Variants in FHIT observed in about 807,000 individuals in gnomAD.
FHIT encodes the protein bis(5'-adenosyl)-triphosphatase.
In FHIT, 19 loss-of-function variants were observed where a neutral mutation model predicts 17.9. That is an observed-to-expected ratio of 1.06 (90% CI 0.74 to 1.56). FHIT has a LOEUF of 1.56. Ranked by LOEUF, FHIT falls within the 40% of genes most tolerant of loss-of-function variation. The pLI is 0.00. For missense variants in FHIT, 248 were observed against 189.2 expected, an observed-to-expected ratio of 1.31 and a Z score of -1.82; for synonymous variants, 81 against 69.7, an observed-to-expected ratio of 1.16 and a Z score of -0.81.
chr3:60,297,421 T>C (rs1019665142), intron 5 of FHIT, among the ~76,000 whole-genome samples: 1 of 152,110 alleles, frequency 6.6e-6, no homozygotes, highest in Non-Finnish European at 1.5e-5. Flanking sequence ...TTTTATTTGG[T>C]ATCTATCTGT....
intron 5 of FHIT, among the ~76,000 whole-genome samples, chr3:60,524,197 GACACACACACACACACACAC>G (rs56975783): frequency 5.4e-4 from 79 of 144,994 alleles, no homozygotes; most frequent in African/African-American, 1.3e-3. Flanking sequence ...GTCAGCCTGA[GACACACACACACACACACAC>G]ACACACACAC....
intron 4 of FHIT, among the ~76,000 whole-genome samples, chr3:60,623,487 CA>C (rs2039192138): frequency 6.6e-6 from 1 of 152,132 alleles, no homozygotes; most frequent in Admixed American, 6.6e-5. Flanking sequence ...AAAACATGTT[CA>C]TTTTTTTCTT....
At chr3:60,859,426 G>A (rs530066666) in intron 3 of FHIT, among the ~76,000 whole-genome samples, 17 of 152,138 alleles carry the variant, frequency 1.1e-4, no homozygotes, top group Middle Eastern at 3.4e-3. Context: ...CAGGTAGACC[G>A]CATTTCCACC....
chr3:59,913,491 G>C (rs1257055033), intron 8 of FHIT, among the ~76,000 whole-genome samples: 2 of 152,056 alleles, frequency 1.3e-5, no homozygotes, highest in African/African-American at 2.4e-5. Context: ...TCAATTCAAT[G>C]GTATGAATGA....
chr3:60,201,400 T>G (rs1045233961), intron 5 of FHIT, among the ~76,000 whole-genome samples: 10 of 152,088 alleles, frequency 6.6e-5, no homozygotes, highest in African/African-American at 2.4e-4. Flanking sequence ...AGGCTGGCCT[T>G]GAACTCCTAG....
chr3:60,434,406 C>T (rs1283322855), intron 5 of FHIT, among the ~76,000 whole-genome samples: 1 of 152,096 alleles, frequency 6.6e-6, no homozygotes, highest in African/African-American at 2.4e-5. Flanking sequence ...GACACATTTT[C>T]TTCCCTGCTT....
chr3:60,721,777 C>G (rs1268312300), intron 4 of FHIT, among the ~76,000 whole-genome samples: 1 of 152,054 alleles, frequency 6.6e-6, no homozygotes, highest in Non-Finnish European at 1.5e-5. Flanking sequence ...TTTTCAAGAT[C>G]CACAAATGAA....
At chr3:60,434,272 T>G (rs1460411089) in intron 5 of FHIT, among the ~76,000 whole-genome samples, 3 of 152,254 alleles carry the variant, frequency 2.0e-5, no homozygotes, top group East Asian at 1.9e-4. Flanking sequence ...AAATATTTTC[T>G]CTTCCAAATC....
intron 5 of FHIT, among the ~76,000 whole-genome samples, chr3:60,496,965 C>CA (rs1285212232): frequency 1.4e-5 from 2 of 147,136 alleles, no homozygotes; most frequent in Non-Finnish European, 3.0e-5. Flanking sequence ...CAAATAAAAA[C>CA]AAAAAACAAA....
intron 2 of FHIT, among the ~76,000 whole-genome samples, chr3:61,151,972 C>G (rs1044541958): frequency 1.3e-5 from 2 of 152,150 alleles, no homozygotes; most frequent in African/African-American, 2.4e-5. Context: ...GAGTTGTGCC[C>G]AAGCCTTTAC....
At chr3:60,056,230 C>A (rs1702074799) in intron 5 of FHIT, among the ~76,000 whole-genome samples, 2 of 152,112 alleles carry the variant, frequency 1.3e-5, no homozygotes, top group South Asian at 4.1e-4. Context: ...AAGAGACACA[C>A]AGAGGGAATG....
chr3:60,907,784 A>G (rs1306573442), intron 3 of FHIT, among the ~76,000 whole-genome samples: 1 of 152,226 alleles, frequency 6.6e-6, no homozygotes, highest in Non-Finnish European at 1.5e-5. Flanking sequence ...TTAATCAAAG[A>G]TAACTAGCAT....
At chr3:60,266,277 G>C (rs963554375) in intron 5 of FHIT, among the ~76,000 whole-genome samples, 1 of 152,012 alleles carries the variant, frequency 6.6e-6, no homozygotes, top group South Asian at 2.1e-4. Context: ...CATTATTCTA[G>C]CTGAAAGAAG....
intron 5 of FHIT, among the ~76,000 whole-genome samples, chr3:60,042,771 G>A (rs930504565): frequency 4.6e-5 from 7 of 150,810 alleles, no homozygotes; most frequent in African/African-American, 7.3e-5. Context: ...ACAGAGATGA[G>A]TAAAAAAAAA....
At chr3:61,022,202 G>C (rs2032478092) in intron 3 of FHIT, among the ~76,000 whole-genome samples, 1 of 152,026 alleles carries the variant, frequency 6.6e-6, no homozygotes, top group Non-Finnish European at 1.5e-5. Context: ...CACCATCAGA[G>C]AATACATAAA....
rs1306487652 is a variant in FHIT at position 60,203,858 on chromosome 3, A to T, written c.104-189706T>A. Among the ~76,000 whole-genome samples the T allele has an allele frequency of 2.0e-5, 3 of 152,184 alleles. No individual in the cohort carries two copies. In the South Asian group the frequency reaches 6.2e-4, roughly 32 times the overall value. On this transcript the variant is annotated intron_variant, in intron 5 of 9. Coordinates refer to ENST00000492590, the MANE Select transcript of FHIT (RefSeq NM_002012.4). ...ACAGGAACAGGAAGACAAACTTCGC[A>T]TGTTCTCACTTATTAGTGGGAGCTA... is the stretch of plus-strand genomic sequence containing the variant.
intron 5 of FHIT, among the ~76,000 whole-genome samples, chr3:60,134,560 T>G (rs961496162): frequency 2.0e-5 from 3 of 152,198 alleles, no homozygotes; most frequent in African/African-American, 7.2e-5. Flanking sequence ...ACTATGTTCA[T>G]GAACACACAT....
intron 2 of FHIT, among the ~76,000 whole-genome samples, chr3:61,145,447 G>A (rs1449363978): frequency 1.3e-5 from 2 of 152,050 alleles, no homozygotes; most frequent in African/African-American, 4.8e-5. Flanking sequence ...AAACTAGTAA[G>A]TGTGAGTCTT....
In FHIT at chr3:60,205,778, T is replaced by G. The variant is rs78663686; in HGVS notation, c.104-191626A>C. 4.4e-3 allele frequency among the ~76,000 whole-genome samples: 673 copies of G among 152,156 alleles called. 1 individual carries two copies. The highest frequency in any genetic ancestry group is 0.015 in the African/African-American group (635 of 41,506). On this transcript the variant is annotated intron_variant, in intron 5 of 9. Transcript: ENST00000492590. ...CATGGTCATATTTATGCATTTTTGG[T>G]GAAATTGTGTTTTTAAAACTTACTT... is the stretch of plus-strand genomic sequence containing the variant.
Sources: gnomAD v4.1 joint callset for allele counts (sites outside exome capture counted in the v4.1 genomes callset) on GRCh38, gnomAD v4.1.1 for gene constraint, MANE v1.5 for transcripts, NCBI Gene and HGNC (gene_info 2026-07-23, HGNC 2026-07-21) for gene names.